The following SMOC2 variants were observed in gnomAD, a reference collection of about 807,000 sequenced individuals.
The protein encoded by SMOC2 is SPARC-related modular calcium-binding protein 2.
In SMOC2, 39 loss-of-function variants were observed where a neutral mutation model predicts 61.4. That is an observed-to-expected ratio of 0.64 (90% CI 0.49 to 0.83). The LOEUF is 0.83. Among genes scored for constraint, SMOC2 ranks in the 40% least tolerant of loss-of-function variants. The probability of loss-of-function intolerance (pLI) is 0.00; values close to 1 mark genes in which losing one functional copy is unlikely to be tolerated. For missense variants in SMOC2, 556 were observed against 592.9 expected, an observed-to-expected ratio of 0.94 and a Z score of 0.65; for synonymous variants, 247 against 239.9, an observed-to-expected ratio of 1.03 and a Z score of -0.27.
At position 168,592,605 on chromosome 6, in the gene SMOC2, C is replaced by T. The variant is rs1162911816; in HGVS notation, c.638-6213C>T. ...GGCATCTTTCTAGAGGATCGCGGAG[C>T]TCCTCCTCCTTCCTGAGGCTTCACG... On this transcript the variant is annotated intron_variant, in intron 7 of 12. Transcript: ENST00000356284. Among the ~76,000 whole-genome samples the T allele has an allele frequency of 1.3e-4, 18 of 141,584 alleles. 1 individual carries two copies. Among genetic ancestry groups the T allele is most frequent in the African/African-American group, 5.0e-4 (18 of 36,266 alleles). The allele number at this position is 141,584 out of a possible 152,430, so 92.9% of individuals were successfully genotyped here.
At chr6:168,550,268 A>G (rs1784100068) in intron 7 of SMOC2, among the ~76,000 whole-genome samples, 1 of 152,210 alleles carries the variant, frequency 6.6e-6, no homozygotes, top group Admixed American at 6.5e-5. Flanking sequence ...AAAATTGCAA[A>G]CATTCACAGA....
At chr6:168,503,517 G>T (rs57445813) in intron 1 of SMOC2, among the ~76,000 whole-genome samples, 2 of 152,114 alleles carry the variant, frequency 1.3e-5, no homozygotes, top group Admixed American at 6.6e-5. Flanking sequence ...TGCCCTCCCC[G>T]CATGGTGGTT....
intron 10 of SMOC2, 39 bp from the exon 11 acceptor site, chr6:168,652,915 G>T: frequency 7.5e-6 from 12 of 1,598,246 alleles, no homozygotes; most frequent in Non-Finnish European, 1.0e-5. Context: ...GAGCAGCCCA[G>T]GGGTTTAAGC....
intron 7 of SMOC2, among the ~76,000 whole-genome samples, chr6:168,592,220 A>T (rs1221890209): frequency 6.6e-6 from 1 of 152,052 alleles, no homozygotes; most frequent in Non-Finnish European, 1.5e-5. Context: ...CTTCAGTTTC[A>T]CTCAGTTCTC....
intron 1 of SMOC2, among the ~76,000 whole-genome samples, chr6:168,505,317 G>C (rs898707401): frequency 6.6e-6 from 1 of 151,968 alleles, no homozygotes; most frequent in East Asian, 1.9e-4. Flanking sequence ...TCAGATGCTG[G>C]ATGAATGACT....
chr6:168,510,136 A>G (rs758610636), intron 2 of SMOC2, 50 bp downstream of exon 2: 1 of 1,542,152 alleles, frequency 6.5e-7, no homozygotes. Flanking sequence ...TCCATCATCA[A>G]AATGAATGCA....
At chr6:168,595,195 GA>G in intron 7 of SMOC2, among the ~76,000 whole-genome samples, 1 of 10,036 alleles carries the variant, frequency 1.0e-4, no homozygotes, top group Admixed American at 1.5e-3. Flanking sequence ...GAGGCCTCAC[GA>G]GGGGCATCTT....
chr6:168,540,079 G>A lies in SMOC2; in HGVS notation c.464-3546G>A, dbSNP rs149583489. On this transcript the variant is annotated intron_variant, in intron 4 of 12. Coordinates refer to ENST00000356284, the MANE Select transcript of SMOC2 (RefSeq NM_001166412.2). Reference sequence around the variant, plus strand: ...CTATATAGACATCAGCTGTGTACACGGTTGCAATAGACATTGCTTGAGTAA... The same window carrying A: ...CTATATAGACATCAGCTGTGTACACAGTTGCAATAGACATTGCTTGAGTAA... Among the ~76,000 whole-genome samples the A allele has an allele frequency of 5.1e-3, 782 of 152,320 alleles. 4 individuals are homozygous for A. The highest frequency in any genetic ancestry group is 0.028 in the South Asian group (134 of 4,826).
chr6:168,664,116 G>T lies in SMOC2; in HGVS notation c.1323+5G>T. On this transcript the variant is annotated splice_donor_5th_base_variant and intron_variant, in intron 12 of 12. Transcript: ENST00000356284. Reference sequence around the variant, plus strand: ...GAAAGTACGTCTAATAGACAGGTAAGTATGTTTATATTTTACTCTTAACCA... The same window carrying T: ...GAAAGTACGTCTAATAGACAGGTAATTATGTTTATATTTTACTCTTAACCA... 1 of 1,600,000 alleles carries T rather than the reference G, an allele frequency of 6.3e-7. No individual in the cohort carries two copies.
chr6:168,620,706 G>C (rs998958030), intron 9 of SMOC2, among the ~76,000 whole-genome samples: 1 of 152,154 alleles, frequency 6.6e-6, no homozygotes, highest in Admixed American at 6.5e-5. Context: ...AGGAGTGAAC[G>C]TGAGAAATCA....
At chr6:168,657,484 T>C (rs1472965016) in intron 11 of SMOC2, among the ~76,000 whole-genome samples, 4 of 152,240 alleles carry the variant, frequency 2.6e-5, no homozygotes, top group African/African-American at 4.8e-5. Context: ...TAGTTGCCCA[T>C]GTGTGATTTC....
At chr6:168,648,953 C>T (rs1787118596) in intron 9 of SMOC2, among the ~76,000 whole-genome samples, 2 of 152,326 alleles carry the variant, frequency 1.3e-5, no homozygotes, top group Middle Eastern at 3.4e-3. Context: ...ACATGGTCCA[C>T]GCCAACGTGC....
At position 168,547,177 on chromosome 6, in the gene SMOC2, G is replaced by A. The variant is rs199877414; in HGVS notation, c.562+8G>A. The A allele has an allele frequency of 5.3e-5, 86 of 1,613,750 alleles. No homozygotes were observed. The East Asian group carries it at 1.4e-3, about 27-fold the overall frequency. ...CTCAAGGAGATGAAGAAGGTGAGCC[G>A]GGGTGGGGATTGCACAGTCTGGGTT... On this transcript the variant is annotated splice_region_variant and intron_variant, in intron 6 of 12. Coordinates refer to ENST00000356284, the MANE Select transcript of SMOC2 (RefSeq NM_001166412.2).
chr6:168,514,706 T>C (rs1006125994), intron 2 of SMOC2, among the ~76,000 whole-genome samples: 13 of 152,116 alleles, frequency 8.5e-5, no homozygotes, highest in African/African-American at 3.1e-4. Flanking sequence ...GCTGTAGAAG[T>C]GGGGAGGTCA....
intron 2 of SMOC2, among the ~76,000 whole-genome samples, chr6:168,515,960 G>A (rs1204224877): frequency 6.6e-6 from 1 of 152,168 alleles, no homozygotes; most frequent in East Asian, 1.9e-4. Flanking sequence ...AAACCTCCAG[G>A]TTTTCTCTAC....
rs1314166085 is a variant in SMOC2 at position 168,650,752 on chromosome 6, G to A, written c.979G>A (p.Ala327Thr). 31 of 1,612,614 alleles carry A rather than the reference G, an allele frequency of 1.9e-5. No homozygotes were observed. The highest frequency in any genetic ancestry group is 2.7e-5 in the African/African-American group (2 of 74,934). The change falls in exon 10 of 13, where the codon GCC (alanine) becomes ACC (threonine). Residue 327 changes from alanine (A) to threonine (T), a missense_variant. Coordinates refer to ENST00000356284, the MANE Select transcript of SMOC2 (RefSeq NM_001166412.2). ...CGCGCTGTCCACGGACATGGTCCAC[G>A]CCGCCTCCGACCCCTCCTCCTCGTC... ...LDALSTDMVHAASDPSSSSGR... is the reference protein window; with the variant it reads ...LDALSTDMVHTASDPSSSSGR...
chr6:168,650,861 A>T, intron 10 of SMOC2, 78 bp downstream of exon 10: 1 of 1,320,792 alleles, frequency 7.6e-7, no homozygotes, highest in Non-Finnish European at 1.0e-6. Context: ...TGAACATTAC[A>T]TATTGGCAAC....
chr6:168,636,458 G>A (rs1407388561), intron 9 of SMOC2, among the ~76,000 whole-genome samples: 1 of 152,220 alleles, frequency 6.6e-6, no homozygotes, highest in Admixed American at 6.5e-5. Context: ...AGATGCCAGT[G>A]TTGAGGTCAG....
chr6:168,601,754 A>G (rs996181720), intron 8 of SMOC2, among the ~76,000 whole-genome samples: 3 of 152,132 alleles, frequency 2.0e-5, no homozygotes, highest in African/African-American at 7.2e-5. Flanking sequence ...AAATTATGAG[A>G]TCAGCATTTA....
Sources: allele counts gnomAD v4.1 joint callset (sites outside exome capture counted in the v4.1 genomes callset), GRCh38; gene constraint gnomAD v4.1.1; transcripts MANE v1.5; gene names NCBI Gene and HGNC (gene_info 2026-07-23, HGNC 2026-07-21).